BABAM2: variants seen among roughly 807,000 people sequenced by gnomAD.
BABAM2 encodes BRISC and BRCA1-A complex member 2.
In BABAM2, 31 loss-of-function variants were observed where a neutral mutation model predicts 54.7. The ratio of observed to expected loss-of-function variants is 0.57; its 90% CI spans 0.43 to 0.77. The LOEUF (loss-of-function observed/expected upper bound fraction) is 0.77, where lower values mean the gene tolerates loss of function less well. Ranked by LOEUF, BABAM2 falls within the 30% of genes least tolerant of loss-of-function variation. BABAM2 has a pLI of 0.00. For missense variants in BABAM2, 364 were observed against 455.8 expected, an observed-to-expected ratio of 0.80 and a Z score of 1.83; for synonymous variants, 167 against 162.9, an observed-to-expected ratio of 1.03 and a Z score of -0.19.
chr2:28,083,330 CT>C (rs1665347870), intron 6 of BABAM2, among the ~76,000 whole-genome samples: 1 of 152,172 alleles, frequency 6.6e-6, no homozygotes, highest in Non-Finnish European at 1.5e-5. Context: ...CTCCTCAACC[CT>C]CCTAATCACG....
Position 28,183,739 on chromosome 2 carries a change from T to TCTCACACACACACA in BABAM2, c.681-53462_681-53461insTCACACACACACAC, listed in dbSNP as rs1553336494. 7.1e-3 allele frequency among the ~76,000 whole-genome samples: 940 copies of TCTCACACACACACA among 133,186 alleles called. 10 individuals carry two copies. Among genetic ancestry groups the TCTCACACACACACA allele is most frequent in the African/African-American group, 0.024 (877 of 37,116 alleles). 87.4% of individuals were successfully genotyped at this position (133,186 alleles called of 152,430 possible). A position where few individuals can be genotyped will look rare whatever the true frequency, so the allele number is the denominator to read the frequency against. ...ATTTTATGTTACTTTTGGATGAAGA[T>TCTCACACACACACA]CACACACACACACACACACACACAC... On this transcript the variant is annotated intron_variant, in intron 7 of 11. Coordinates refer to ENST00000379624, the MANE Select transcript of BABAM2 (RefSeq NM_199191.3).
At chr2:27,931,286 C>T (rs112108786) in intron 3 of BABAM2, among the ~76,000 whole-genome samples, 6,873 of 152,028 alleles carry the variant, frequency 0.045, 542 homozygotes, top group African/African-American at 0.16. Flanking sequence ...TGGTTAAAAA[C>T]GTAAAAGTAC....
At chr2:28,282,114 A>G (rs1026150763) in intron 10 of BABAM2, among the ~76,000 whole-genome samples, 3 of 152,222 alleles carry the variant, frequency 2.0e-5, no homozygotes, top group Non-Finnish European at 2.9e-5. Flanking sequence ...TAGCAGATCA[A>G]TACAGTGTTG....
At chr2:28,143,626 T>C (rs1434717298) in intron 7 of BABAM2, among the ~76,000 whole-genome samples, 4 of 152,072 alleles carry the variant, frequency 2.6e-5, no homozygotes, top group Non-Finnish European at 5.9e-5. Context: ...ATATATACAA[T>C]TGAAAAAATG....
At chr2:27,892,705 T>C (rs2148250576) in intron 1 of BABAM2, among the ~76,000 whole-genome samples, 1 of 152,314 alleles carries the variant, frequency 6.6e-6, no homozygotes, top group Admixed American at 6.5e-5. Flanking sequence ...CAGTAATATA[T>C]ATGGACGCTC....
chr2:27,963,321 T>C (rs922563446), intron 3 of BABAM2, among the ~76,000 whole-genome samples: 10 of 151,746 alleles, frequency 6.6e-5, no homozygotes, highest in African/African-American at 2.4e-4. Flanking sequence ...AATACAGAAA[T>C]TACCTGGGCT....
intron 4 of BABAM2, among the ~76,000 whole-genome samples, chr2:28,015,226 T>C (rs1674712820): frequency 2.0e-5 from 3 of 152,192 alleles, no homozygotes; most frequent in Admixed American, 2.0e-4. Context: ...CACACTATTC[T>C]GCTAGCTAAA....
intron 6 of BABAM2, among the ~76,000 whole-genome samples, chr2:28,084,713 A>C (rs778749969): frequency 1.3e-5 from 2 of 152,106 alleles, no homozygotes; most frequent in African/African-American, 2.4e-5. Flanking sequence ...CAGGGAGCCA[A>C]GTGTAGACTC....
intron 4 of BABAM2, among the ~76,000 whole-genome samples, chr2:28,005,151 A>G (rs1210136862): frequency 6.6e-6 from 1 of 152,184 alleles, no homozygotes; most frequent in Non-Finnish European, 1.5e-5. Context: ...TTATTGATAT[A>G]TAAATAGAAC....
At chr2:28,069,111 C>T (rs568128455) in intron 6 of BABAM2, among the ~76,000 whole-genome samples, 48 of 152,290 alleles carry the variant, frequency 3.2e-4, no homozygotes, top group South Asian at 1.7e-3. Context: ...CTCTCAGCTA[C>T]CTCATACCCC....
At chr2:28,284,954 A>G (rs1224937411) in intron 10 of BABAM2, among the ~76,000 whole-genome samples, 2 of 152,176 alleles carry the variant, frequency 1.3e-5, no homozygotes, top group Non-Finnish European at 2.9e-5. Flanking sequence ...GAGCCTTGCA[A>G]GGTAGGTATT....
rs1673058947 is a variant in BABAM2 at position 27,995,253 on chromosome 2, G to C, written c.300+7166G>C. Among the ~76,000 whole-genome samples, 1 of 152,150 alleles carries C rather than the reference G, an allele frequency of 6.6e-6. No individual in the cohort carries two copies. Among genetic ancestry groups the C allele is most frequent in the African/African-American group, 2.4e-5 (1 of 41,422 alleles). On this transcript the variant is annotated intron_variant, in intron 4 of 11. Coordinates refer to ENST00000379624, the MANE Select transcript of BABAM2 (RefSeq NM_199191.3). The surrounding 1 kb of genome is among the most constrained non-coding windows in gnomAD (Gnocchi z 4.1). ...GGGCTGGTTTCAGTGAAACAGGCTGGAGGATGAGCACTAATAGGTCTTCTG... is the reference window on the plus strand; with the variant it reads ...GGGCTGGTTTCAGTGAAACAGGCTGCAGGATGAGCACTAATAGGTCTTCTG...
intron 5 of BABAM2, among the ~76,000 whole-genome samples, chr2:28,043,679 C>A (rs541056591): frequency 2.6e-4 from 39 of 152,264 alleles, no homozygotes; most frequent in African/African-American, 8.7e-4. Context: ...ACCACACTTA[C>A]CAGAGTATGT....
chr2:28,311,453 G>A (rs756351895), intron 11 of BABAM2, among the ~76,000 whole-genome samples: 2 of 152,154 alleles, frequency 1.3e-5, no homozygotes. Context: ...AGAGGAGCTG[G>A]TTTGGGATTT....
At chr2:28,310,101 G>C in intron 11 of BABAM2, 1 of 1,614,184 alleles carries the variant, frequency 6.2e-7, no homozygotes, top group Non-Finnish European at 8.5e-7. Flanking sequence ...CAACAGAGAT[G>C]GGGAGGAATC....
intron 5 of BABAM2, among the ~76,000 whole-genome samples, chr2:28,027,064 C>A (rs1675920042): frequency 7.0e-6 from 1 of 143,348 alleles, no homozygotes. Flanking sequence ...CCATCACCAC[C>A]ATCTTCCATC....
chr2:28,063,849 C>G (rs991884451), intron 6 of BABAM2, among the ~76,000 whole-genome samples: 2 of 152,094 alleles, frequency 1.3e-5, no homozygotes, highest in East Asian at 1.9e-4. Flanking sequence ...ATCCAGTAAG[C>G]CAGTAAGGCA....
chr2:28,275,691 A>G (rs1260404786), intron 10 of BABAM2, among the ~76,000 whole-genome samples: 4 of 152,216 alleles, frequency 2.6e-5, no homozygotes, highest in Non-Finnish European at 4.4e-5. Flanking sequence ...CAAAAATGTC[A>G]TAATTTCACA....
At chr2:27,969,453 A>G (rs1278342670) in intron 3 of BABAM2, among the ~76,000 whole-genome samples, 2 of 152,198 alleles carry the variant, frequency 1.3e-5, no homozygotes, top group Non-Finnish European at 1.5e-5. Context: ...CCCCCCAGCT[A>G]TGTGAAAGTC....
Sources: gnomAD v4.1 joint callset for allele counts (sites outside exome capture counted in the v4.1 genomes callset) on GRCh38, gnomAD v4.1.1 for gene constraint, Gnocchi (gnomAD v3.1) non-coding constraint, MANE v1.5 for transcripts, NCBI Gene and HGNC (gene_info 2026-07-23, HGNC 2026-07-21) for gene names.